Variants in UBE2J1 observed in about 807,000 individuals in gnomAD.
The protein encoded by UBE2J1 is ubiquitin conjugating enzyme E2 J1.
A neutral mutation model predicts 42.1 loss-of-function variants in UBE2J1; 17 were observed. That is an observed-to-expected ratio of 0.40 (90% confidence interval 0.28 to 0.61). UBE2J1 has a LOEUF of 0.61. Ranked by LOEUF, UBE2J1 falls within the 20% of genes least tolerant of loss-of-function variation. The pLI is 0.38. For missense variants in UBE2J1, 291 were observed against 389.4 expected, an observed-to-expected ratio of 0.75 and a Z score of 2.13; for synonymous variants, 127 against 137.2, an observed-to-expected ratio of 0.93 and a Z score of 0.52.
intron 2 of UBE2J1, among the ~76,000 whole-genome samples, chr6:89,343,342 G>C (rs1306180658): frequency 6.6e-6 from 1 of 150,632 alleles, no homozygotes; most frequent in African/African-American, 2.5e-5. Flanking sequence ...GGCTGAGGCA[G>C]GAGAATTGCT....
chr6:89,330,438 A>G (rs550168279), intron 7 of UBE2J1, among the ~76,000 whole-genome samples: 5 of 152,308 alleles, frequency 3.3e-5, no homozygotes, highest in Admixed American at 2.0e-4. Context: ...GGCATGAACC[A>G]ACGTGCCCAG....
chr6:89,337,023 T>A lies in UBE2J1; in HGVS notation c.428+1182A>T, dbSNP rs1269452563. Among the ~76,000 whole-genome samples, 63 of 152,042 alleles carry A rather than the reference T, an allele frequency of 4.1e-4. 1 individual carries two copies. Among genetic ancestry groups the A allele is most frequent in the Admixed American group, 4.1e-3 (63 of 15,264 alleles). On this transcript the variant is annotated intron_variant, in intron 5 of 7. Transcript: ENST00000435041. The stretch of plus-strand genomic sequence containing the variant: ...CCCAGCTAATTTTTGTATTTTTTTG[T>A]AGAGCTGCAGTTTCGCCATTTTACC...
intron 1 of UBE2J1, among the ~76,000 whole-genome samples, chr6:89,346,229 T>TC (rs1768363061): frequency 6.6e-6 from 1 of 152,144 alleles, no homozygotes; most frequent in African/African-American, 2.4e-5. Context: ...CTTTTCCATT[T>TC]CTTACTCTGA....
chr6:89,339,532 AAG>A (rs1768194784), intron 3 of UBE2J1, among the ~76,000 whole-genome samples: 1 of 852 alleles, frequency 1.2e-3, no homozygotes, highest in African/African-American at 5.6e-3. Context: ...GAAGGGAGGG[AAG>A]TGGGGAGGGG....
intron 5 of UBE2J1, among the ~76,000 whole-genome samples, chr6:89,336,570 C>T (rs1768110995): frequency 1.3e-5 from 2 of 150,902 alleles, no homozygotes; most frequent in Non-Finnish European, 2.9e-5. Context: ...TAGGCTCAAG[C>T]GATCCTCCTG....
In UBE2J1 at chr6:89,328,229, C is replaced by G. The variant is rs554399358; in HGVS notation, c.*1450G>C. ...GTTAATAGAACGAATGTCCCATAAA[C>G]AGGAGTAAAAATTAAATTTTCCTTT... is the stretch of plus-strand genomic sequence containing the variant. On this transcript the variant is annotated 3_prime_UTR_variant, in exon 8 of 8. Coordinates refer to ENST00000435041, the MANE Select transcript of UBE2J1 (RefSeq NM_016021.3). 7 of 152,210 alleles carry G rather than the reference C, an allele frequency of 4.6e-5. No individual in the cohort carries two copies. In the East Asian group the frequency reaches 1.2e-3, roughly 25 times the overall value. The allele number at this position is 152,210 out of a possible 1,614,324, so 9.4% of individuals were successfully genotyped here. A position where few individuals can be genotyped will look rare whatever the true frequency, so the allele number is the denominator to read the frequency against.
chr6:89,346,327 G>A (rs928655345), intron 1 of UBE2J1, among the ~76,000 whole-genome samples: 5 of 152,104 alleles, frequency 3.3e-5, no homozygotes, highest in Admixed American at 1.3e-4. Context: ...ACAGCTTCAT[G>A]CGTAAACAAA....
At chr6:89,348,516 C>T (rs111600816) in intron 1 of UBE2J1, among the ~76,000 whole-genome samples, 3,212 of 152,286 alleles carry the variant, frequency 0.021, 94 homozygotes, top group African/African-American at 0.067. Flanking sequence ...AAGGCATGCT[C>T]CCTAACTGCC....
At chr6:89,333,829 C>T (rs1352761081) in intron 6 of UBE2J1, among the ~76,000 whole-genome samples, 4 of 151,816 alleles carry the variant, frequency 2.6e-5, no homozygotes, top group African/African-American at 7.3e-5. Flanking sequence ...CCAGGCACTA[C>T]AATAAAAGAG....
At chr6:89,351,449 G>A (rs1052622626) in intron 1 of UBE2J1, among the ~76,000 whole-genome samples, 2 of 151,958 alleles carry the variant, frequency 1.3e-5, no homozygotes, top group Non-Finnish European at 2.9e-5. Context: ...ACATTTCTTA[G>A]CCTGACAGCA....
intron 7 of UBE2J1, 21 bp from the exon 8 acceptor site, chr6:89,329,978 T>C (rs750312795): frequency 5.0e-6 from 8 of 1,611,664 alleles, no homozygotes; most frequent in Non-Finnish European, 6.8e-6. Flanking sequence ...TTAAGAAACT[T>C]TGTTTGAAAC....
intron 1 of UBE2J1, among the ~76,000 whole-genome samples, chr6:89,348,037 A>G (rs560893096): frequency 6.6e-6 from 1 of 152,320 alleles, no homozygotes; most frequent in African/African-American, 2.4e-5. Flanking sequence ...TACCACTGTT[A>G]GGAAACAGTC....
At chr6:89,351,069 CTTTTTTTTTTTTT>C (rs1193022037) in intron 1 of UBE2J1, among the ~76,000 whole-genome samples, 22 of 60,468 alleles carry the variant, frequency 3.6e-4, no homozygotes, top group East Asian at 2.2e-3. Context: ...CCGGGATTCT[CTTTTTTTTTTTTT>C]TTTTTTTTTT....
chr6:89,331,344 T>C (rs961755530), intron 7 of UBE2J1, among the ~76,000 whole-genome samples: 2 of 152,238 alleles, frequency 1.3e-5, no homozygotes, highest in African/African-American at 4.8e-5. Context: ...CTAAAAATAG[T>C]CTCAATTAAT....
intron 1 of UBE2J1, among the ~76,000 whole-genome samples, chr6:89,349,444 T>C (rs759771265): frequency 8.5e-5 from 13 of 152,266 alleles, no homozygotes; most frequent in South Asian, 4.1e-4. Context: ...TAGATATATG[T>C]GTTTCTGTGT....
intron 1 of UBE2J1, among the ~76,000 whole-genome samples, chr6:89,349,340 C>A (rs935341944): frequency 1.3e-5 from 2 of 152,182 alleles, no homozygotes; most frequent in Admixed American, 6.5e-5. Context: ...TTACTTTGAA[C>A]TTTATTGACA....
At chr6:89,341,070 C>G (rs999847119) in intron 3 of UBE2J1, among the ~76,000 whole-genome samples, 1 of 152,190 alleles carries the variant, frequency 6.6e-6, no homozygotes, top group Non-Finnish European at 1.5e-5. Flanking sequence ...CCACCGCGCC[C>G]GGCCTAATTT....
At chr6:89,330,084 T>C (rs1267268337) in intron 7 of UBE2J1, 127 bp from the exon 8 acceptor site, 4 of 923,274 alleles carry the variant, frequency 4.3e-6, no homozygotes, top group Non-Finnish European at 4.9e-6. Context: ...CCAAGAATGA[T>C]TGTTACTAAT....
At chr6:89,340,599 C>T (rs976790368) in intron 3 of UBE2J1, among the ~76,000 whole-genome samples, 1 of 152,160 alleles carries the variant, frequency 6.6e-6, no homozygotes, top group African/African-American at 2.4e-5. Context: ...TTCATTTTGA[C>T]TGATGAGAAA....
Sources: allele counts gnomAD v4.1 joint callset (sites outside exome capture counted in the v4.1 genomes callset), GRCh38; gene constraint gnomAD v4.1.1; transcripts MANE v1.5; gene names NCBI Gene and HGNC (gene_info 2026-07-23, HGNC 2026-07-21).